Variants in CDH2 observed in about 807,000 individuals in gnomAD.
CDH2 encodes cadherin 2.
CDH2 carries 17 observed loss-of-function variants against 92.0 expected under a neutral mutation model. The observed-to-expected ratio is 0.18, with a 90% confidence interval of 0.13 to 0.28. The LOEUF (loss-of-function observed/expected upper bound fraction) is 0.28, where lower values mean the gene tolerates loss of function less well. CDH2 is among the 10% of genes least tolerant of loss of function. The probability of loss-of-function intolerance (pLI) is 1.00; values close to 1 mark genes in which losing one functional copy is unlikely to be tolerated. For missense variants in CDH2, 862 were observed against 1,133.1 expected, an observed-to-expected ratio of 0.76 and a Z score of 3.44; for synonymous variants, 419 against 415.9, an observed-to-expected ratio of 1.01 and a Z score of -0.09.
intron 2 of CDH2, among the ~76,000 whole-genome samples, chr18:28,112,438 C>A (rs781081341): frequency 4.7e-4 from 72 of 152,238 alleles, no homozygotes; most frequent in South Asian, 2.9e-3. Context: ...AGTAAAGAGG[C>A]CGACTCAAAT....
At chr18:28,113,650 T>C (rs1350060705) in intron 2 of CDH2, among the ~76,000 whole-genome samples, 1 of 152,088 alleles carries the variant, frequency 6.6e-6, no homozygotes, top group Non-Finnish European at 1.5e-5. Flanking sequence ...TTTCTACTAC[T>C]ATGGGCATTT....
At chr18:27,982,912 A>T (rs775479857) in intron 14 of CDH2, 32 bp downstream of exon 14, 1 of 1,472,184 alleles carries the variant, frequency 6.8e-7, no homozygotes, top group East Asian at 2.3e-5. Context: ...CGATCATAAA[A>T]TTTATTTTTA....
chr18:27,978,976 A>G (rs965950452), intron 14 of CDH2, among the ~76,000 whole-genome samples: 9 of 152,128 alleles, frequency 5.9e-5, no homozygotes, highest in African/African-American at 2.2e-4. Context: ...AAATAGAAAC[A>G]TGAGCACTAA....
intron 6 of CDH2, among the ~76,000 whole-genome samples, chr18:27,944,150 T>C (rs909971148): frequency 1.1e-4 from 16 of 152,332 alleles, no homozygotes; most frequent in African/African-American, 3.6e-4. Context: ...CTTTACCATA[T>C]ATAATAAAAA....
chr18:28,019,158 G>A (rs1490291334), intron 2 of CDH2, among the ~76,000 whole-genome samples: 1 of 151,760 alleles, frequency 6.6e-6, no homozygotes, highest in Non-Finnish European at 1.5e-5. Context: ...GTGGGAGCAG[G>A]GTGAGGAATG....
chr18:28,174,876 ACT>A (rs1000996821), intron 1 of CDH2, among the ~76,000 whole-genome samples: 4 of 152,220 alleles, frequency 2.6e-5, no homozygotes, highest in African/African-American at 9.6e-5. Context: ...CTGAGGATTT[ACT>A]GTCTGTAAAT....
intron 14 of CDH2, among the ~76,000 whole-genome samples, chr18:27,967,905 C>A (rs2011568670): frequency 6.6e-6 from 1 of 152,136 alleles, no homozygotes; most frequent in Non-Finnish European, 1.5e-5. Context: ...TAAAATGTTG[C>A]ATCAGTATAA....
At chr18:27,958,422 A>G (rs1399873367) in intron 15 of CDH2, among the ~76,000 whole-genome samples, 2 of 151,800 alleles carry the variant, frequency 1.3e-5, no homozygotes, top group Non-Finnish European at 2.9e-5. Flanking sequence ...AATATACTTC[A>G]TATACTAATG....
intron 2 of CDH2, among the ~76,000 whole-genome samples, chr18:28,041,814 C>A (rs552090932): frequency 2.9e-4 from 44 of 152,246 alleles, no homozygotes; most frequent in African/African-American, 1.0e-3. Flanking sequence ...TTATAAACAA[C>A]TTTACAGTCT....
At chr18:28,015,258 T>G (rs1033899393) in intron 2 of CDH2, among the ~76,000 whole-genome samples, 1 of 152,166 alleles carries the variant, frequency 6.6e-6, no homozygotes, top group Non-Finnish European at 1.5e-5. Context: ...TAAAATACTT[T>G]AACTACTGAA....
chr18:27,985,196 A>C lies in CDH2; in HGVS notation c.2013T>G (p.Leu671=). 1 of 1,612,604 alleles carries C rather than the reference A, an allele frequency of 6.2e-7. No individual in the cohort carries two copies. Among genetic ancestry groups the C allele is most frequent in the Non-Finnish European group, 8.5e-7 (1 of 1,178,628 alleles). ...FAQLNLKIKF[L]EAGIYEVPII... is the part of the protein sequence containing the mutation. ...TGGGAACTTCATAGATACCAGCTTC[A>C]AGAAATTTTATCTTTAAATTAAGCT... Residue 671 remains leucine, a synonymous_variant, in exon 13 of 16, where the codon CTT becomes CTG. Coordinates refer to ENST00000269141, the MANE Select transcript of CDH2 (RefSeq NM_001792.5).
At chr18:28,027,314 C>CA (rs766325390) in intron 2 of CDH2, among the ~76,000 whole-genome samples, 1,751 of 146,468 alleles carry the variant, frequency 0.012, 19 homozygotes, top group South Asian at 0.03. Context: ...AGGTTAAGTT[C>CA]AAAAAAAAAA....
chr18:28,046,972 A>G (rs2014088971), intron 2 of CDH2, among the ~76,000 whole-genome samples: 1 of 152,146 alleles, frequency 6.6e-6, no homozygotes, highest in Non-Finnish European at 1.5e-5. Flanking sequence ...TCTAGTGGAG[A>G]GTTGGAAAAT....
intron 2 of CDH2, among the ~76,000 whole-genome samples, chr18:28,053,048 T>G (rs2014223363): frequency 6.6e-6 from 1 of 152,118 alleles, no homozygotes; most frequent in Non-Finnish European, 1.5e-5. Flanking sequence ...GAGGACCATG[T>G]GAGGACACAG....
intron 1 of CDH2, among the ~76,000 whole-genome samples, chr18:28,148,599 T>C (rs2016074180): frequency 6.6e-6 from 1 of 152,132 alleles, no homozygotes; most frequent in African/African-American, 2.4e-5. Context: ...GCATTAATTG[T>C]AGGAAACTCT....
chr18:28,019,723 T>C (rs1441009472), intron 2 of CDH2, among the ~76,000 whole-genome samples: 1 of 152,162 alleles, frequency 6.6e-6, no homozygotes, highest in Non-Finnish European at 1.5e-5. Context: ...ATTGGTTTAA[T>C]ATATCTGTTA....
At chr18:28,060,986 T>G (rs538719903) in intron 2 of CDH2, among the ~76,000 whole-genome samples, 1 of 152,238 alleles carries the variant, frequency 6.6e-6, no homozygotes, top group Admixed American at 6.5e-5. Flanking sequence ...TACACCTCTG[T>G]GTTTCTTCCA....
chr18:27,990,382 A>T (rs533934518), intron 9 of CDH2, 32 bp from the exon 10 acceptor site: 2 of 1,589,916 alleles, frequency 1.3e-6, no homozygotes, highest in African/African-American at 2.7e-5. Flanking sequence ...ATATTTTTGC[A>T]GGAAATAAGA....
chr18:27,966,228 G>A (rs566206123), intron 14 of CDH2, among the ~76,000 whole-genome samples: 1 of 152,024 alleles, frequency 6.6e-6, no homozygotes, highest in African/African-American at 2.4e-5. Flanking sequence ...TTTACCCTAA[G>A]GGTGAAAAAT....
Sources: gnomAD v4.1 joint callset for allele counts (sites outside exome capture counted in the v4.1 genomes callset) on GRCh38, gnomAD v4.1.1 for gene constraint, MANE v1.5 for transcripts, NCBI Gene and HGNC (gene_info 2026-07-23, HGNC 2026-07-21) for gene names.